The following GRM3 variants were observed in gnomAD, a reference collection of about 807,000 sequenced individuals.
GRM3 encodes glutamate metabotropic receptor 3.
GRM3 carries 26 observed loss-of-function variants against 70.5 expected under a neutral mutation model. That is an observed-to-expected ratio of 0.37 (90% CI 0.27 to 0.51). GRM3 has a LOEUF of 0.51. Ranked by LOEUF, GRM3 falls within the 20% of genes least tolerant of loss-of-function variation. GRM3 has a pLI of 0.93. For missense variants in GRM3, 859 were observed against 1,123.8 expected, an observed-to-expected ratio of 0.76 and a Z score of 3.37; for synonymous variants, 443 against 434.9, an observed-to-expected ratio of 1.02 and a Z score of -0.23.
intron 1 of GRM3, among the ~76,000 whole-genome samples, chr7:86,686,783 C>T (rs1211295936): frequency 9.9e-5 from 15 of 151,750 alleles, no homozygotes; most frequent in South Asian, 4.1e-4. Flanking sequence ...ATAAAAGAAA[C>T]GCAAAAAATA....
At chr7:86,767,105 G>A (rs1170742092) in intron 2 of GRM3, among the ~76,000 whole-genome samples, 1 of 151,910 alleles carries the variant, frequency 6.6e-6, no homozygotes, top group Admixed American at 6.6e-5. Context: ...CCAGATACTC[G>A]GGAGGCTGAG....
At chr7:86,792,652 G>A (rs1020835758) in intron 3 of GRM3, among the ~76,000 whole-genome samples, 4 of 152,170 alleles carry the variant, frequency 2.6e-5, no homozygotes, top group African/African-American at 9.7e-5. Context: ...TGGGACCTGA[G>A]GACCCAACAG....
Position 86,747,626 on chromosome 7 carries a change from T to C in GRM3, c.-140-17380T>C, listed in dbSNP as rs1293605791. ...CTTGGGAAGACTCAATTGGGATACC[T>C]TGGCACCATCAGTTCTGGTTGCCTA... is the stretch of plus-strand genomic sequence containing the variant. On this transcript the variant is annotated intron_variant, in intron 1 of 5. Coordinates refer to ENST00000361669, the MANE Select transcript of GRM3 (RefSeq NM_000840.3). Among the ~76,000 whole-genome samples the C allele has an allele frequency of 2.0e-5, 3 of 152,224 alleles. No individual in the cohort carries two copies. In the East Asian group the frequency reaches 5.8e-4, roughly 29 times the overall value.
intron 2 of GRM3, among the ~76,000 whole-genome samples, chr7:86,783,405 C>T (rs755635544): frequency 1.3e-5 from 2 of 152,084 alleles, no homozygotes; most frequent in Non-Finnish European, 2.9e-5. Flanking sequence ...AACCATATGG[C>T]TATGAACAAG....
intron 4 of GRM3, among the ~76,000 whole-genome samples, chr7:86,843,108 G>C (rs149169183): frequency 6.6e-6 from 1 of 152,048 alleles, no homozygotes; most frequent in Non-Finnish European, 1.5e-5. Flanking sequence ...TTGGTTATTT[G>C]CTTGGGCAAA....
chr7:86,658,820 A>T (rs1393339125), intron 1 of GRM3, among the ~76,000 whole-genome samples: 1 of 151,978 alleles, frequency 6.6e-6, no homozygotes, highest in African/African-American at 2.4e-5. Flanking sequence ...AAAATTCAGC[A>T]TCCCAAGTCA....
chr7:86,712,021 T>C (rs1795210709), intron 1 of GRM3, among the ~76,000 whole-genome samples: 1 of 152,084 alleles, frequency 6.6e-6, no homozygotes. Context: ...CTGTTTCTAC[T>C]TTTGTATGCT....
At chr7:86,656,215 A>G (rs1179886106) in intron 1 of GRM3, among the ~76,000 whole-genome samples, 1 of 149,768 alleles carries the variant, frequency 6.7e-6, no homozygotes, top group African/African-American at 2.5e-5. Context: ...ATTATTTCCT[A>G]GCCTGGAGTA....
intron 4 of GRM3, among the ~76,000 whole-genome samples, chr7:86,842,655 CA>C (rs1457740529): frequency 6.6e-6 from 1 of 152,254 alleles, no homozygotes; most frequent in East Asian, 1.9e-4. Flanking sequence ...CATCAGTCAA[CA>C]AGGTTTATAT....
intron 1 of GRM3, among the ~76,000 whole-genome samples, chr7:86,708,385 T>C (rs1371966766): frequency 6.6e-6 from 1 of 152,108 alleles, no homozygotes; most frequent in East Asian, 1.9e-4. Context: ...TCTGGGAAAT[T>C]CCAAAAACAG....
chr7:86,730,828 T>C (rs1260091869), intron 1 of GRM3, among the ~76,000 whole-genome samples: 2 of 152,222 alleles, frequency 1.3e-5, no homozygotes, highest in Non-Finnish European at 2.9e-5. Flanking sequence ...TCTAATCTTC[T>C]ACTTGCCAAG....
intron 3 of GRM3, among the ~76,000 whole-genome samples, chr7:86,795,102 TG>T (rs1023930358): frequency 1.3e-5 from 2 of 149,366 alleles, no homozygotes; most frequent in Non-Finnish European, 2.9e-5. Context: ...CTCAAATGTA[TG>T]TTTTTTTTTT....
chr7:86,745,368 A>G (rs913552912), intron 1 of GRM3, among the ~76,000 whole-genome samples: 1 of 152,118 alleles, frequency 6.6e-6, no homozygotes, highest in African/African-American at 2.4e-5. Context: ...CACCTTGGAA[A>G]AGGAAGGCTC....
Position 86,644,560 on chromosome 7 carries a change from C to T in GRM3, c.-453C>T, listed in dbSNP as rs1312660832. On this transcript the variant is annotated 5_prime_UTR_variant, in exon 1 of 6. Coordinates refer to ENST00000361669, the MANE Select transcript of GRM3 (RefSeq NM_000840.3). ...CTTTCCCCAACCTCCTCCCTCTCTT[C>T]TACTCCACCCCTCCGTTTTCCCACT... is the stretch of plus-strand genomic sequence containing the variant. 2 of 397,482 alleles carry T rather than the reference C, an allele frequency of 5.0e-6. No homozygotes were observed. Among genetic ancestry groups the T allele is most frequent in the African/African-American group, 4.1e-5 (2 of 48,570 alleles). 24.6% of individuals were successfully genotyped at this position (397,482 alleles called of 1,614,324 possible).
At position 86,711,507 on chromosome 7, in the gene GRM3, G is replaced by A. The variant is rs1006751978; in HGVS notation, c.-140-53499G>A. ...CATCATTTCCTTTTTACTTTCTCTT[G>A]TAGTCTCTGTTCCACTCCCATCATT... On this transcript the variant is annotated intron_variant, in intron 1 of 5. Transcript: ENST00000361669. Among the ~76,000 whole-genome samples the A allele has an allele frequency of 3.3e-5, 5 of 151,602 alleles. No individual in the cohort carries two copies. In the South Asian group the frequency reaches 1.0e-3, roughly 32 times the overall value.
At chr7:86,699,217 A>C (rs1003385320) in intron 1 of GRM3, among the ~76,000 whole-genome samples, 1 of 152,058 alleles carries the variant, frequency 6.6e-6, no homozygotes, top group Non-Finnish European at 1.5e-5. Flanking sequence ...AATAAAATAA[A>C]TTCTCTCAAT....
intron 1 of GRM3, among the ~76,000 whole-genome samples, chr7:86,670,364 C>T (rs1248212360): frequency 6.6e-6 from 1 of 152,194 alleles, no homozygotes; most frequent in East Asian, 1.9e-4. Flanking sequence ...TGCTAGTGCT[C>T]TACCTCTAAT....
intron 1 of GRM3, among the ~76,000 whole-genome samples, chr7:86,683,115 T>C (rs146145510): frequency 6.6e-6 from 1 of 152,240 alleles, no homozygotes; most frequent in African/African-American, 2.4e-5. Context: ...TGAGCCATGG[T>C]AGGTTTTGAA....
At chr7:86,745,853 G>C (rs1165383990) in intron 1 of GRM3, among the ~76,000 whole-genome samples, 2 of 151,944 alleles carry the variant, frequency 1.3e-5, no homozygotes, top group Non-Finnish European at 2.9e-5. Flanking sequence ...CTGATTAAAC[G>C]AGCTCACTGA....
Sources: gnomAD v4.1 joint callset for allele counts (sites outside exome capture counted in the v4.1 genomes callset) on GRCh38, gnomAD v4.1.1 for gene constraint, MANE v1.5 for transcripts, NCBI Gene and HGNC (gene_info 2026-07-23, HGNC 2026-07-21) for gene names.